Variants in POLN observed in about 807,000 individuals in gnomAD.
POLN encodes the protein DNA polymerase N.
A neutral mutation model predicts 113.5 loss-of-function variants in POLN; 108 were observed. The observed-to-expected ratio is 0.95, with a 90% CI of 0.81 to 1.12. The LOEUF (loss-of-function observed/expected upper bound fraction) is 1.12, where lower values mean the gene tolerates loss of function less well. Ranked by LOEUF, POLN falls within the 50% of genes most tolerant of loss-of-function variation. The probability of loss-of-function intolerance (pLI) is 0.00; values close to 1 mark genes in which losing one functional copy is unlikely to be tolerated. For missense variants in POLN, 1,097 were observed against 1,077.1 expected (o/e 1.02, Z -0.26); for synonymous variants, 386 against 391.5 (o/e 0.99, Z 0.17).
chr4:2,079,232 T>A (rs2108688265), intron 23 of POLN: 1 of 251,490 alleles, frequency 4.0e-6, no homozygotes. Context: ...CGCCCAGCCT[T>A]GAATCAACTT....
intron 2 of POLN, among the ~76,000 whole-genome samples, chr4:2,239,726 TAAAAAG>T (rs995036018): frequency 3.9e-5 from 6 of 152,180 alleles, no homozygotes; most frequent in African/African-American, 1.4e-4. Flanking sequence ...AGCCACATCT[TAAAAAG>T]AAAATCTCAG....
At chr4:2,088,793 G>T (rs576225829) in intron 20 of POLN, 2 of 1,347,876 alleles carry the variant, frequency 1.5e-6, no homozygotes, top group East Asian at 2.5e-5. Flanking sequence ...TGGTATTATC[G>T]CTACAAGAGG....
At chr4:2,158,134 T>C (rs1221084347) in intron 14 of POLN, among the ~76,000 whole-genome samples, 1 of 152,168 alleles carries the variant, frequency 6.6e-6, no homozygotes, top group Non-Finnish European at 1.5e-5. Context: ...ATATTTTTAG[T>C]AGAGATGGGG....
rs747184067 is a variant in POLN at position 2,147,643 on chromosome 4, C to CTTTTTTTTTTTTTTTTT, written c.1731+9144_1731+9145insAAAAAAAAAAAAAAAAA. ...AGATCAGACATCCAGTTTTTCTTTT[C>CTTTTTTTTTTTTTTTTT]TTTTTTTTTTTTTTTTGAGACAAAG... On this transcript the variant is annotated intron_variant, in intron 16 of 25. Transcript: ENST00000511885. Among the ~76,000 whole-genome samples, 332 of 79,312 alleles carry CTTTTTTTTTTTTTTTTT rather than the reference C, an allele frequency of 4.2e-3. 16 individuals carry two copies. The highest frequency in any genetic ancestry group is 5.0e-3 in the Non-Finnish European group (195 of 39,024). 52.0% of individuals were successfully genotyped at this position (79,312 alleles called of 152,430 possible).
intron 19 of POLN, 36 bp from the exon 20 acceptor site, chr4:2,095,969 G>C (rs759583387): frequency 6.3e-7 from 1 of 1,584,698 alleles, no homozygotes. Context: ...TTCAGGCACA[G>C]AAGGCACTGT....
intron 21 of POLN, among the ~76,000 whole-genome samples, chr4:2,083,318 C>T (rs1017245768): frequency 2.2e-4 from 34 of 152,228 alleles, no homozygotes; most frequent in African/African-American, 7.2e-4. Context: ...CTGCAGTCTG[C>T]GTGGCTCCCC....
Position 2,072,016 on chromosome 4 carries a change from G to C in POLN, c.*98C>G. The C allele has an allele frequency of 7.3e-7, 1 of 1,373,324 alleles. No homozygotes were observed. The highest frequency in any genetic ancestry group is 1.0e-6 in the Non-Finnish European group (1 of 962,034). The allele number at this position is 1,373,324 out of a possible 1,614,324, so 85.1% of individuals were successfully genotyped here. ...ATGGCGGGCCACCCCAGCCCCAAAGGGTTAATGCGTCCTGGGGCGTACAGA... is the reference window on the plus strand; with the variant it reads ...ATGGCGGGCCACCCCAGCCCCAAAGCGTTAATGCGTCCTGGGGCGTACAGA... On this transcript the variant is annotated 3_prime_UTR_variant, in exon 26 of 26. Coordinates refer to ENST00000511885, the MANE Select transcript of POLN (RefSeq NM_181808.4).
chr4:2,075,279 C>T (rs1283228176), intron 24 of POLN, among the ~76,000 whole-genome samples, 173 bp downstream of exon 24: 1 of 152,234 alleles, frequency 6.6e-6, no homozygotes, highest in Non-Finnish European at 1.5e-5. Context: ...GTCCCCAAAC[C>T]CAGGCTGGCC....
chr4:2,192,282 C>A (rs1044859158), intron 7 of POLN, among the ~76,000 whole-genome samples: 2 of 151,986 alleles, frequency 1.3e-5, no homozygotes, highest in African/African-American at 4.8e-5. Context: ...AGTGAACACA[C>A]ATGTCCACCA....
chr4:2,208,964 G>A (rs1733924426), intron 4 of POLN, among the ~76,000 whole-genome samples: 1 of 151,950 alleles, frequency 6.6e-6, no homozygotes, highest in Admixed American at 6.6e-5. Context: ...CTCCAGCTTG[G>A]GTGACAAGAG....
chr4:2,128,104 A>G lies in POLN; in HGVS notation c.1982+9T>C, dbSNP rs372469643. 3.2e-4 allele frequency: 490 copies of G among 1,524,054 alleles called. 3 individuals carry two copies. The South Asian group carries it at 4.2e-3, about 13-fold the overall frequency. 94.4% of individuals were successfully genotyped at this position (1,524,054 alleles called of 1,614,324 possible). ...AGATCTGATAATATTGTGAGTTCAT[A>G]TATCTTACCACTGTGAAGTCAGAGT... On this transcript the variant is annotated intron_variant, in intron 19 of 25. Coordinates refer to ENST00000511885, the MANE Select transcript of POLN (RefSeq NM_181808.4).
chr4:2,240,963 A>G (rs1577806152), intron 2 of POLN: 8 of 1,565,144 alleles, frequency 5.1e-6, no homozygotes, highest in African/African-American at 2.7e-5. Flanking sequence ...AACTACCCCA[A>G]TTTTGTTGTA....
chr4:2,072,148 G>C lies in POLN; in HGVS notation c.2669C>G (p.Pro890Arg), dbSNP rs940702415. ...APGSPASTQPPPLHFSPSFCL is the reference protein window; with the variant it reads ...APGSPASTQPRPLHFSPSFCL ...AAATGAAGGCGAAAAATGCAGGGGT[G>C]GGGGCTGGGTGCTGGCAGGGGACCC... is the stretch of plus-strand genomic sequence containing the variant. The change falls in exon 26 of 26, where the codon CCA (proline) becomes CGA (arginine). Residue 890 changes from proline to arginine, a missense_variant. Transcript: ENST00000511885. 7 of 1,612,770 alleles carry C rather than the reference G, an allele frequency of 4.3e-6. No individual in the cohort carries two copies. The highest frequency in any genetic ancestry group is 5.9e-6 in the Non-Finnish European group (7 of 1,179,832).
intron 19 of POLN, among the ~76,000 whole-genome samples, chr4:2,108,617 T>C (rs1451440438): frequency 2.6e-5 from 4 of 152,214 alleles, no homozygotes; most frequent in African/African-American, 9.6e-5. Context: ...ATCACATGTA[T>C]TGACGCCCAT....
In POLN at chr4:2,169,619, A is replaced by G. The variant is rs147426324; in HGVS notation, c.1554+1060T>C. Among the ~76,000 whole-genome samples the G allele has an allele frequency of 2.0e-5, 3 of 152,302 alleles. No individual in the cohort carries two copies. The East Asian group carries it at 5.8e-4, about 29-fold the overall frequency. ...GAAGCCTTACAAGATTCCAGTAGGGAAAGTACTATTATTATTTTTCTTTTA... is the reference window on the plus strand; with the variant it reads ...GAAGCCTTACAAGATTCCAGTAGGGGAAGTACTATTATTATTTTTCTTTTA... On this transcript the variant is annotated intron_variant, in intron 13 of 25. Coordinates refer to ENST00000511885, the MANE Select transcript of POLN (RefSeq NM_181808.4).
At chr4:2,185,511 C>T (rs151041244) in intron 7 of POLN, among the ~76,000 whole-genome samples, 2,440 of 152,170 alleles carry the variant, frequency 0.016, 28 homozygotes, top group Non-Finnish European at 0.023. Context: ...TTTGGGAGGC[C>T]GAGGCAGGCA....
intron 16 of POLN, among the ~76,000 whole-genome samples, chr4:2,139,007 G>A (rs1377531909): frequency 6.6e-6 from 1 of 151,960 alleles, no homozygotes; most frequent in East Asian, 1.9e-4. Flanking sequence ...GTGAGCATGT[G>A]CGCAGGCATG....
intron 19 of POLN, among the ~76,000 whole-genome samples, chr4:2,124,333 A>C (rs771338031): frequency 6.6e-6 from 1 of 152,092 alleles, no homozygotes; most frequent in Non-Finnish European, 1.5e-5. Context: ...GCAGTGGTGT[A>C]ATCATAGCTC....
Position 2,213,035 on chromosome 4 carries a change from G to A in POLN, c.213+12C>T, listed in dbSNP as rs750323373. ...TATCTATTTAAAATTACTCATATGT[G>A]CAATGATTTACCTTTTTTTCTGGTG... On this transcript the variant is annotated intron_variant, in intron 4 of 25. Transcript: ENST00000511885. The A allele has an allele frequency of 1.9e-6, 3 of 1,572,054 alleles. No homozygotes were observed. The highest frequency in any genetic ancestry group is 2.6e-6 in the Non-Finnish European group (3 of 1,147,390).
Sources: gnomAD v4.1 joint callset for allele counts (sites outside exome capture counted in the v4.1 genomes callset) on GRCh38, gnomAD v4.1.1 for gene constraint, MANE v1.5 for transcripts, NCBI Gene and HGNC (gene_info 2026-07-23, HGNC 2026-07-21) for gene names.